Variants in ATXN1L observed in about 807,000 individuals in gnomAD.
The protein encoded by ATXN1L is ataxin 1 like.
Under a neutral mutation model 43.4 loss-of-function variants are expected in ATXN1L, and 8 were observed. That is an observed-to-expected ratio of 0.18 (90% CI 0.11 to 0.33). The LOEUF is 0.33. Ranked by LOEUF, ATXN1L falls within the 10% of genes least tolerant of loss-of-function variation. ATXN1L has a pLI of 1.00. For missense variants in ATXN1L, 856 were observed against 885.4 expected (o/e 0.97, Z 0.42); for synonymous variants, 379 against 360.6 (o/e 1.05, Z -0.58).
At position 71,855,880 on chromosome 16, in the gene ATXN1L, G is replaced by T. The variant is rs2033545999; in HGVS notation, c.*4070G>T. The T allele has an allele frequency of 6.0e-6, 1 of 167,104 alleles. No individual in the cohort carries two copies. The highest frequency in any genetic ancestry group is 6.5e-5 in the Admixed American group (1 of 15,288). The allele number at this position is 167,104 out of a possible 1,614,324, so 10.4% of individuals were successfully genotyped here. Reference sequence around the variant, plus strand: ...GGAGCTGAACCTTATTAGGTTGGATGTCGATCAGGAACCTGTTTGCCCTTT... The same window carrying T: ...GGAGCTGAACCTTATTAGGTTGGATTTCGATCAGGAACCTGTTTGCCCTTT... On this transcript the variant is annotated 3_prime_UTR_variant, in exon 3 of 3. Coordinates refer to ENST00000427980, the MANE Select transcript of ATXN1L (RefSeq NM_001137675.4).
chr16:71,851,338 G>A lies in ATXN1L; in HGVS notation c.1598G>A (p.Ser533Asn). ...CATTTTGTGGTTGGTGAGCAGCAGA[G>A]CAAAGTGAGCATCGAAGTGCCCCCC... ...MLHFVVGEQQ[S>N]KVSIEVPPEH... Residue 533 changes from serine (S) to asparagine (N), a missense_variant, in exon 3 of 3, where the codon AGC becomes AAC. Physicochemically the swap from Ser to Asn is conservative, Grantham distance 46 (BLOSUM62 1). Around this residue, in one of 7 missense-constraint regions of ATXN1L, gnomAD observed 54 missense variants for 56.6 expected, o/e 0.95. Transcript: ENST00000427980. This position sits in a 1 kb window ranked among gnomAD's most constrained non-coding sequence, Gnocchi z 4.9. The A allele has an allele frequency of 6.4e-7, 1 of 1,551,676 alleles. No individual in the cohort carries two copies. Among genetic ancestry groups the A allele is most frequent in the Non-Finnish European group, 8.7e-7 (1 of 1,146,992 alleles).
Position 71,849,904 on chromosome 16 carries a change from G to A in ATXN1L, c.164G>A (p.Ser55Asn), listed in dbSNP as rs1183285339. 2 of 1,551,164 alleles carry A rather than the reference G, an allele frequency of 1.3e-6. No homozygotes were observed. Among genetic ancestry groups the A allele is most frequent in the South Asian group, 1.2e-5 (1 of 84,048 alleles). Reference sequence around the variant, plus strand: ...CGAGGGGTTGTGGTGGCTGGGCAGAGCCAGGCAGGAGCCAGAGTCAGCCTG... The same window carrying A: ...CGAGGGGTTGTGGTGGCTGGGCAGAACCAGGCAGGAGCCAGAGTCAGCCTG... ...WSRGVVVAGQ[S>N]QAGARVSLGG... Residue 55 changes from serine (S) to asparagine (N), a missense_variant, in exon 3 of 3, where the codon AGC becomes AAC. By Grantham distance (46) the Ser-to-Asn change is conservative. Coordinates refer to ENST00000427980, the MANE Select transcript of ATXN1L (RefSeq NM_001137675.4).
chr16:71,851,485 T>C lies in ATXN1L; in HGVS notation c.1745T>C (p.Leu582Ser). 2 of 1,551,632 alleles carry C rather than the reference T, an allele frequency of 1.3e-6. No homozygotes were observed. The highest frequency in any genetic ancestry group is 1.7e-6 in the Non-Finnish European group (2 of 1,146,978). Reference sequence around the variant, plus strand: ...GGAGATGTCTGCATCTCTATCAGTTTACAGAGCTTGAACAGTAACTCAGTT... The same window carrying C: ...GGAGATGTCTGCATCTCTATCAGTTCACAGAGCTTGAACAGTAACTCAGTT... ...QVGDVCISIS[L>S]QSLNSNSVSQ... Residue 582 changes from leucine (L) to serine (S), a missense_variant, in exon 3 of 3, where the codon TTA becomes TCA. Physicochemically the swap from Leu to Ser is moderately radical, Grantham distance 145. Coordinates refer to ENST00000427980, the MANE Select transcript of ATXN1L (RefSeq NM_001137675.4). The surrounding 1 kb of genome is among the most constrained non-coding windows in gnomAD (Gnocchi z 4.9).
At chr16:71,846,272 C>A (rs2033441682) in intron 1 of ATXN1L, among the ~76,000 whole-genome samples, 168 bp downstream of exon 1, 2 of 152,194 alleles carry the variant, frequency 1.3e-5, no homozygotes, top group African/African-American at 4.8e-5. Context: ...TCTCTCTGGC[C>A]TGTCCTGGAA....
rs1324620927 is a variant in ATXN1L at position 71,853,972 on chromosome 16, A to G, written c.*2162A>G. On this transcript the variant is annotated 3_prime_UTR_variant, in exon 3 of 3. Transcript: ENST00000427980. ...CTGCTTTCTCTGGCTTGTTTCCTAC[A>G]GTGGGGGCCTGTGGGGTTGAGTCTT... is the stretch of plus-strand genomic sequence containing the variant. The G allele has an allele frequency of 6.0e-6, 1 of 167,110 alleles. No homozygotes were observed. Among genetic ancestry groups the G allele is most frequent in the Admixed American group, 6.5e-5 (1 of 15,270 alleles). 10.4% of individuals were successfully genotyped at this position (167,110 alleles called of 1,614,324 possible). A position where few individuals can be genotyped will look rare whatever the true frequency, so the allele number is the denominator to read the frequency against.
chr16:71,849,975 T>G lies in ATXN1L; in HGVS notation c.235T>G (p.Tyr79Asp), dbSNP rs1477767158. The change falls in exon 3 of 3, where the codon TAT becomes GAT. Residue 79 changes from tyrosine (Y) to aspartate (D), a missense_variant. Tyr to Asp is a radical substitution (Grantham distance 160). Transcript: ENST00000427980. ...CATCACCGGTCTGACAGTGGACCAG[T>G]ATGGCATGCTGTATAAGGTGGCTGT... ...EAITGLTVDQ[Y>D]GMLYKVAVPP... 1 of 1,551,634 alleles carries G rather than the reference T, an allele frequency of 6.4e-7. No homozygotes were observed. The highest frequency in any genetic ancestry group is 2.4e-5 in the East Asian group (1 of 40,916).
chr16:71,846,138 C>T, intron 1 of ATXN1L, 34 bp downstream of exon 1: 1 of 188,742 alleles, frequency 5.3e-6, no homozygotes, highest in South Asian at 6.7e-5. Context: ...CCGCCGGGGC[C>T]AGGCAGGCCT....
In ATXN1L at chr16:71,854,407, C is replaced by T. The variant is rs1376618585; in HGVS notation, c.*2597C>T. On this transcript the variant is annotated 3_prime_UTR_variant, in exon 3 of 3. Coordinates refer to ENST00000427980, the MANE Select transcript of ATXN1L (RefSeq NM_001137675.4). ...GCAATACCAGCAGTTCCTGTAATAC[C>T]ACAATATCGTTCCATGCATATATAA... The T allele has an allele frequency of 1.2e-5, 2 of 167,036 alleles. No homozygotes were observed. The highest frequency in any genetic ancestry group is 4.8e-5 in the African/African-American group (2 of 41,438). The allele number at this position is 167,036 out of a possible 1,614,324, so 10.3% of individuals were successfully genotyped here.
intron 1 of ATXN1L, among the ~76,000 whole-genome samples, chr16:71,847,518 AAATAATTGTTCT>A (rs1567388777): frequency 6.6e-6 from 1 of 151,872 alleles, no homozygotes; most frequent in Non-Finnish European, 1.5e-5. Context: ...CCAGAAACAT[AAATAATTGTTCT>A]TTTTCATCTA....
rs1374916220 is a variant in ATXN1L at position 71,852,430 on chromosome 16, A to G, written c.*620A>G. On this transcript the variant is annotated 3_prime_UTR_variant, in exon 3 of 3. Transcript: ENST00000427980. ...ATCCTCTGCTTCATAGCCCTTCCCC[A>G]TCTCTCCTCACCATTCTGCCTACAA... 1 of 167,098 alleles carries G rather than the reference A, an allele frequency of 6.0e-6. No individual in the cohort carries two copies. Among genetic ancestry groups the G allele is most frequent in the Non-Finnish European group, 1.5e-5 (1 of 68,228 alleles). 10.4% of individuals were successfully genotyped at this position (167,098 alleles called of 1,614,324 possible).
chr16:71,849,265 C>T (rs1049205802), intron 2 of ATXN1L, among the ~76,000 whole-genome samples: 10 of 142,712 alleles, frequency 7.0e-5, no homozygotes, highest in Non-Finnish European at 1.5e-4. Context: ...GCAGGAAAGA[C>T]CATGTGTTCA....
Position 71,850,645 on chromosome 16 carries a change from T to C in ATXN1L, c.905T>C (p.Val302Ala), listed in dbSNP as rs1267382987. Reference protein sequence around the residue: ...SKGEGQGLVPVVECVVDGQLF... With the variant: ...SKGEGQGLVPAVECVVDGQLF... ...GGTGAAGGCCAGGGACTGGTGCCAG[T>C]GGTAGAATGTGTGGTGGATGGACAG... is the stretch of plus-strand genomic sequence containing the variant. The change falls in exon 3 of 3, where the codon GTG becomes GCG. Residue 302 changes from valine to alanine, a missense_variant. Coordinates refer to ENST00000427980, the MANE Select transcript of ATXN1L (RefSeq NM_001137675.4). 6.4e-7 allele frequency: 1 copy of C among 1,551,586 alleles called. No homozygotes were observed. The highest frequency in any genetic ancestry group is 8.7e-7 in the Non-Finnish European group (1 of 1,146,966).
chr16:71,849,885 G>T lies in ATXN1L; in HGVS notation c.145G>T (p.Val49Phe). 6.4e-7 allele frequency: 1 copy of T among 1,551,368 alleles called. No individual in the cohort carries two copies. Among genetic ancestry groups the T allele is most frequent in the East Asian group, 2.4e-5 (1 of 40,908 alleles). Residue 49 changes from valine to phenylalanine, a missense_variant, in exon 3 of 3, where the codon GTT becomes TTT. Around this residue, in one of 7 missense-constraint regions of ATXN1L, gnomAD observed 93 missense variants for 113.4 expected, o/e 0.82. Transcript: ENST00000427980. ...TGATGCTTCTGAATGGTCCCGAGGG[G>T]TTGTGGTGGCTGGGCAGAGCCAGGC... ...SSDASEWSRGVVVAGQSQAGA... is the reference protein window; with the variant it reads ...SSDASEWSRGFVVAGQSQAGA...
Position 71,850,832 on chromosome 16 carries a change from C to G in ATXN1L, c.1092C>G (p.Asn364Lys), listed in dbSNP as rs1421600689. 2 of 1,551,686 alleles carry G rather than the reference C, an allele frequency of 1.3e-6. No individual in the cohort carries two copies. The highest frequency in any genetic ancestry group is 3.3e-4 in the Middle Eastern group (2 of 5,992). ...GGAAGGAGGAACCCAGCCCCCTCAA[C>G]CTATCCCATCATACCCCCGACCATC... Reference protein sequence around the residue: ...AQRKEEPSPLNLSHHTPDHQG... With the variant: ...AQRKEEPSPLKLSHHTPDHQG... The change falls in exon 3 of 3, where the codon AAC becomes AAG. Residue 364 changes from asparagine (N) to lysine (K), a missense_variant. Coordinates refer to ENST00000427980, the MANE Select transcript of ATXN1L (RefSeq NM_001137675.4).
rs2033550467 is a variant in ATXN1L at position 71,856,297 on chromosome 16, C to T, written c.*4487C>T. ...AAGTTTTGTGATCCCAAAGCCATTC[C>T]ACTGCAAATGCCCAGCAGTGAAGAT... On this transcript the variant is annotated 3_prime_UTR_variant, in exon 3 of 3. Coordinates refer to ENST00000427980, the MANE Select transcript of ATXN1L (RefSeq NM_001137675.4). The T allele has an allele frequency of 6.0e-6, 1 of 167,142 alleles. No individual in the cohort carries two copies. The highest frequency in any genetic ancestry group is 2.1e-4 in the South Asian group (1 of 4,834). The allele number at this position is 167,142 out of a possible 1,614,324, so 10.4% of individuals were successfully genotyped here. A position where few individuals can be genotyped will look rare whatever the true frequency, so the allele number is the denominator to read the frequency against.
rs1211809259 is a variant in ATXN1L at position 71,850,314 on chromosome 16, C to G, written c.574C>G (p.Pro192Ala). The change falls in exon 3 of 3, where the codon CCC becomes GCC. Residue 192 changes from proline to alanine, a missense_variant. Physicochemically the swap from Pro to Ala is conservative, Grantham distance 27. Coordinates refer to ENST00000427980, the MANE Select transcript of ATXN1L (RefSeq NM_001137675.4). ...AGGAGCCACTCCTCCCCCACAGGCT[C>G]CCTCCCCGGCCCACTCATTTAACAA... is the stretch of plus-strand genomic sequence containing the variant. ...AEGATPPPQA[P>A]SPAHSFNKAP... is the part of the protein sequence containing the mutation. The G allele has an allele frequency of 6.4e-7, 1 of 1,551,704 alleles. No individual in the cohort carries two copies. Among genetic ancestry groups the G allele is most frequent in the South Asian group, 1.2e-5 (1 of 84,068 alleles).
rs1400485684 is a variant in ATXN1L at position 71,850,761 on chromosome 16, G to A, written c.1021G>A (p.Val341Ile). ...CACTGACCTTGAGGTCCAGCGGGTG[G>A]TTGGCGCTTTAGCTTCTCAGGACTA... Reference protein sequence around the residue: ...PDTDLEVQRVVGALASQDYRV... With the variant: ...PDTDLEVQRVIGALASQDYRV... Residue 341 changes from valine (V) to isoleucine (I), a missense_variant, in exon 3 of 3, where the codon GTT (valine) becomes ATT (isoleucine). Physicochemically the swap from Val to Ile is conservative, Grantham distance 29. Around this residue, in one of 7 missense-constraint regions of ATXN1L, gnomAD observed 490 missense variants for 449.4 expected, o/e 1.09. Coordinates refer to ENST00000427980, the MANE Select transcript of ATXN1L (RefSeq NM_001137675.4). The A allele has an allele frequency of 6.4e-7, 1 of 1,551,690 alleles. No homozygotes were observed. Among genetic ancestry groups the A allele is most frequent in the African/African-American group, 1.4e-5 (1 of 73,172 alleles).
Position 71,857,297 on chromosome 16 carries a change from A to T in ATXN1L, c.*5487A>T, listed in dbSNP as rs889760394. 1 of 158,672 alleles carries T rather than the reference A, an allele frequency of 6.3e-6. No homozygotes were observed. Among genetic ancestry groups the T allele is most frequent in the African/African-American group, 2.4e-5 (1 of 41,438 alleles). The allele number at this position is 158,672 out of a possible 1,614,324, so 9.8% of individuals were successfully genotyped here. On this transcript the variant is annotated 3_prime_UTR_variant, in exon 3 of 3. Coordinates refer to ENST00000427980, the MANE Select transcript of ATXN1L (RefSeq NM_001137675.4). ...AATATCTATCAATATCTATATATCT[A>T]TATATCTATCTATATAAACTACTAG...
In ATXN1L at chr16:71,850,747, A is replaced by T; in HGVS notation, c.1007A>T (p.Glu336Val). 1 of 1,551,680 alleles carries T rather than the reference A, an allele frequency of 6.4e-7. No homozygotes were observed. ...CGGGGGACCCCGGACACTGACCTTG[A>T]GGTCCAGCGGGTGGTTGGCGCTTTA... is the stretch of plus-strand genomic sequence containing the variant. ...AHRGTPDTDL[E>V]VQRVVGALAS... The change falls in exon 3 of 3, where the codon GAG becomes GTG. Residue 336 changes from glutamate to valine, a missense_variant. Around this residue, in one of 7 missense-constraint regions of ATXN1L, gnomAD observed 490 missense variants for 449.4 expected, o/e 1.09. Transcript: ENST00000427980.
Sources: gnomAD v4.1 joint callset for allele counts (sites outside exome capture counted in the v4.1 genomes callset) on GRCh38, gnomAD v4.1.1 for gene constraint, gnomAD v4.1.1 regional missense constraint, Gnocchi (gnomAD v3.1) non-coding constraint, MANE v1.5 for transcripts, NCBI Gene and HGNC (gene_info 2026-07-23, HGNC 2026-07-21) for gene names.